The following LOXHD1 variants were observed in gnomAD, a reference collection of about 807,000 sequenced individuals.
LOXHD1 encodes the protein lipoxygenase homology PLAT domains 1, also known as lipoxygenase homology domain-containing protein 1.
A neutral mutation model predicts 248.2 loss-of-function variants in LOXHD1; 205 were observed. The observed-to-expected ratio is 0.83, with a 90% CI of 0.74 to 0.93. The LOEUF (loss-of-function observed/expected upper bound fraction) is 0.93, where lower values mean the gene tolerates loss of function less well. LOXHD1 is among the 40% of genes least tolerant of loss of function. The pLI is 0.00. For synonymous variants in LOXHD1, 1,113 were observed against 1,162.8 expected, an observed-to-expected ratio of 0.96 and a Z score of 0.87; for missense variants, 2,930 against 2,971.6, an observed-to-expected ratio of 0.99 and a Z score of 0.33.
In LOXHD1 at chr18:46,559,132, T is replaced by A. The variant is rs1326473087; in HGVS notation, c.3216+316A>T. The A allele has an allele frequency of 2.2e-6, 3 of 1,351,980 alleles. No homozygotes were observed. The East Asian group carries it at 1.3e-4, about 58-fold the overall frequency. 83.7% of individuals were successfully genotyped at this position (1,351,980 alleles called of 1,614,324 possible). A position where few individuals can be genotyped will look rare whatever the true frequency, so the allele number is the denominator to read the frequency against. ...CTAGTTTTCCCCCAAGACACCATCT[T>A]GCGGCGAGGACTTCCTCTTGAACCC... On this transcript the variant is annotated intron_variant, in intron 20 of 40. Coordinates refer to ENST00000642948, the MANE Select transcript of LOXHD1 (RefSeq NM_001384474.1).
At chr18:46,537,064 A>G (rs76266856) in intron 26 of LOXHD1, among the ~76,000 whole-genome samples, 12,297 of 152,264 alleles carry the variant, frequency 0.081, 573 homozygotes, top group Non-Finnish European at 0.1. Flanking sequence ...GCTGTTGGCC[A>G]TGCTGTTCCC....
intron 4 of LOXHD1, among the ~76,000 whole-genome samples, chr18:46,630,770 TGG>T (rs34276377): frequency 2.7e-5 from 4 of 150,212 alleles, no homozygotes; most frequent in Admixed American, 6.6e-5. Context: ...AAAGTGGGTA[TGG>T]GGGGGGGTGT....
Position 46,577,709 on chromosome 18 carries a change from G to A in LOXHD1, c.1968C>T (p.Leu656=). The stretch of plus-strand genomic sequence containing the variant: ...ACCAGCAGGCAGGACGCATGTACCT[G>A]AGACATGGGAACTCCACGTTGTCGC... ...PESDNVEFPC[L]RWLDKDKDDG... Residue 656 remains leucine (L), a splice_region_variant and synonymous_variant, in exon 14 of 41, where the codon CTC becomes CTT. Transcript: ENST00000642948. 1.9e-6 allele frequency: 3 copies of A among 1,550,334 alleles called. No homozygotes were observed. The highest frequency in any genetic ancestry group is 2.6e-6 in the Non-Finnish European group (3 of 1,145,832).
At chr18:46,600,560 T>C (rs891610170) in intron 8 of LOXHD1, among the ~76,000 whole-genome samples, 1 of 139,318 alleles carries the variant, frequency 7.2e-6, no homozygotes, top group Non-Finnish European at 1.5e-5. Context: ...ATCGTGCCAT[T>C]GCACTCCAGC....
chr18:46,486,080 C>T (rs1383577400), intron 38 of LOXHD1, among the ~76,000 whole-genome samples: 1 of 152,082 alleles, frequency 6.6e-6, no homozygotes, highest in Non-Finnish European at 1.5e-5. Flanking sequence ...ATTAAAATTG[C>T]TACCTGATCC....
chr18:46,555,047 T>C (rs139089495), intron 21 of LOXHD1: 155 of 455,832 alleles, frequency 3.4e-4, no homozygotes, highest in African/African-American at 2.8e-3. Flanking sequence ...GGCATTACTA[T>C]AGATTGTAAA....
At chr18:46,655,123 G>A (rs1358266627) in intron 1 of LOXHD1, among the ~76,000 whole-genome samples, 1 of 152,206 alleles carries the variant, frequency 6.6e-6, no homozygotes, top group Non-Finnish European at 1.5e-5. Flanking sequence ...GGTGCATGGT[G>A]CATGATCCTA....
At chr18:46,506,792 C>T (rs894559087) in intron 36 of LOXHD1, among the ~76,000 whole-genome samples, 3 of 152,192 alleles carry the variant, frequency 2.0e-5, no homozygotes, top group African/African-American at 7.2e-5. Flanking sequence ...ATGTAAGCTA[C>T]CATGGCCAAC....
At position 46,557,377 on chromosome 18, in the gene LOXHD1, G is replaced by C; in HGVS notation, c.3329C>G (p.Thr1110Ser). The C allele has an allele frequency of 2.6e-6, 4 of 1,552,354 alleles. No homozygotes were observed. Among genetic ancestry groups the C allele is most frequent in the South Asian group, 2.4e-5 (2 of 84,058 alleles). ...AGWFLDRIDITDMNNEITYYF... is the reference protein window; with the variant it reads ...AGWFLDRIDISDMNNEITYYF... ...TCACGTGATCTCGTTGTTCATGTCAGTAATGTCTATTCTGTCCAGGAACCA... is the reference window on the plus strand; with the variant it reads ...TCACGTGATCTCGTTGTTCATGTCACTAATGTCTATTCTGTCCAGGAACCA... Residue 1110 changes from threonine (T) to serine (S), a missense_variant, in exon 21 of 41, where the codon ACT becomes AGT. Physicochemically the swap from Thr to Ser is moderately conservative, Grantham distance 58. Coordinates refer to ENST00000642948, the MANE Select transcript of LOXHD1 (RefSeq NM_001384474.1).
At chr18:46,523,985 G>A (rs1216070990) in intron 31 of LOXHD1, among the ~76,000 whole-genome samples, 1 of 152,128 alleles carries the variant, frequency 6.6e-6, no homozygotes, top group Non-Finnish European at 1.5e-5. Context: ...CAAAAATCTG[G>A]TTAGCAAAAA....
chr18:46,498,866 A>T (rs2034040891), intron 37 of LOXHD1, among the ~76,000 whole-genome samples: 1 of 152,158 alleles, frequency 6.6e-6, no homozygotes, highest in Non-Finnish European at 1.5e-5. Context: ...CATGACACCT[A>T]CCCTTGGATA....
rs974125849 is a variant in LOXHD1 at position 46,565,127 on chromosome 18, G to A, written c.2437+1130C>T. On this transcript the variant is annotated intron_variant, in intron 17 of 40. Transcript: ENST00000642948. ...AAAAATACAAAAATTAGCCGGGTGT[G>A]GGGGCATACACCTGTAGTCCCAGCT... Among the ~76,000 whole-genome samples the A allele has an allele frequency of 3.3e-5, 5 of 152,226 alleles. No individual in the cohort carries two copies. The East Asian group carries it at 5.8e-4, about 18-fold the overall frequency.
chr18:46,627,585 A>G (rs2038760181), intron 4 of LOXHD1, among the ~76,000 whole-genome samples: 1 of 152,246 alleles, frequency 6.6e-6, no homozygotes, highest in Non-Finnish European at 1.5e-5. Flanking sequence ...CAAATACACA[A>G]TTCCATGCAT....
At chr18:46,638,984 T>C (rs1184306768) in intron 4 of LOXHD1, among the ~76,000 whole-genome samples, 1 of 152,194 alleles carries the variant, frequency 6.6e-6, no homozygotes. Flanking sequence ...AATGCCCCCC[T>C]TTTTGGAAAA....
intron 22 of LOXHD1, among the ~76,000 whole-genome samples, chr18:46,546,154 G>C (rs930238664): frequency 2.0e-5 from 3 of 151,952 alleles, no homozygotes; most frequent in African/African-American, 7.3e-5. Flanking sequence ...TTTTAGGGAT[G>C]CATATTTCAG....
chr18:46,572,058 C>A (rs769574273), intron 15 of LOXHD1, 28 bp downstream of exon 15: 1 of 1,547,142 alleles, frequency 6.5e-7, no homozygotes, highest in Non-Finnish European at 8.7e-7. Flanking sequence ...AAGGGCACAC[C>A]CAGCACCTGG....
chr18:46,504,397 C>T (rs2034431093), intron 37 of LOXHD1, among the ~76,000 whole-genome samples: 1 of 152,122 alleles, frequency 6.6e-6, no homozygotes, highest in Non-Finnish European at 1.5e-5. Flanking sequence ...TGAGCCACAG[C>T]CCCTGGCCTC....
At chr18:46,615,902 C>T (rs11662107) in intron 5 of LOXHD1, among the ~76,000 whole-genome samples, 41,083 of 152,080 alleles carry the variant, frequency 0.27, 6,017 homozygotes, top group East Asian at 0.54. Flanking sequence ...AAAATTATTG[C>T]ATCATTCTTT....
intron 4 of LOXHD1, among the ~76,000 whole-genome samples, chr18:46,630,364 T>A (rs947552139): frequency 6.6e-6 from 1 of 152,004 alleles, no homozygotes; most frequent in Non-Finnish European, 1.5e-5. Context: ...AGTAGGAGGG[T>A]TTGTGGGTAG....
Sources: allele counts gnomAD v4.1 joint callset (sites outside exome capture counted in the v4.1 genomes callset), GRCh38; gene constraint gnomAD v4.1.1; transcripts MANE v1.5; gene names NCBI Gene and HGNC (gene_info 2026-07-23, HGNC 2026-07-21).